Variants in RHEB observed in about 807,000 individuals in gnomAD.
The protein encoded by RHEB is Ras homolog, mTORC1 binding, also known as GTP-binding protein Rheb.
Under a neutral mutation model 28.8 loss-of-function variants are expected in RHEB, and 2 were observed. The observed-to-expected ratio is 0.07, with a 90% CI of 0.03 to 0.22. RHEB has a LOEUF of 0.22. RHEB is among the 10% of genes least tolerant of loss of function. RHEB has a pLI of 1.00. For missense variants in RHEB, 76 were observed against 219.9 expected, an observed-to-expected ratio of 0.35 and a Z score of 4.14; for synonymous variants, 69 against 77.3, an observed-to-expected ratio of 0.89 and a Z score of 0.56.
chr7:151,474,874 A>C (rs891555391), intron 4 of RHEB, among the ~76,000 whole-genome samples: 2 of 152,234 alleles, frequency 1.3e-5, no homozygotes, highest in Admixed American at 6.5e-5. Flanking sequence ...TTTTACTGAC[A>C]TATTTCTTGT....
chr7:151,505,260 T>C (rs1163467170), intron 1 of RHEB, among the ~76,000 whole-genome samples: 2 of 151,766 alleles, frequency 1.3e-5, no homozygotes, highest in Non-Finnish European at 2.9e-5. Context: ...AAAGTCACAC[T>C]AGGAGAAAAT....
intron 3 of RHEB, among the ~76,000 whole-genome samples, chr7:151,479,391 A>G (rs1802330477): frequency 6.6e-6 from 1 of 152,174 alleles, no homozygotes; most frequent in South Asian, 2.1e-4. Flanking sequence ...AGTTAAAAAA[A>G]GATTAATAAG....
At chr7:151,480,412 C>T (rs551731163) in intron 3 of RHEB, among the ~76,000 whole-genome samples, 38 of 151,784 alleles carry the variant, frequency 2.5e-4, no homozygotes, top group Admixed American at 1.8e-3. Context: ...CAAAACAAAA[C>T]CCAAGCTTAA....
intron 2 of RHEB, among the ~76,000 whole-genome samples, chr7:151,488,443 T>C (rs536505397): frequency 2.7e-4 from 41 of 152,356 alleles, no homozygotes; most frequent in Admixed American, 1.9e-3. Flanking sequence ...AGCAGTTTTT[T>C]AAAATCATGA....
intron 2 of RHEB, among the ~76,000 whole-genome samples, chr7:151,486,281 T>C (rs76222762): frequency 1.3e-5 from 2 of 152,240 alleles, no homozygotes; most frequent in East Asian, 3.8e-4. Flanking sequence ...AGTATAATTA[T>C]GATGACAAGG....
At chr7:151,515,076 A>AAG (rs917101619) in intron 1 of RHEB, among the ~76,000 whole-genome samples, 2 of 151,650 alleles carry the variant, frequency 1.3e-5, no homozygotes, top group Non-Finnish European at 2.9e-5. Context: ...GCCAAAAAAA[A>AAG]AAAGAAAGAA....
At chr7:151,477,940 G>A (rs1217210096) in intron 3 of RHEB, among the ~76,000 whole-genome samples, 1 of 151,896 alleles carries the variant, frequency 6.6e-6, no homozygotes. Context: ...GGGAGGTGGG[G>A]GAGAGAGAGA....
At chr7:151,469,038 T>G (rs942249964) in intron 7 of RHEB, among the ~76,000 whole-genome samples, 2 of 152,256 alleles carry the variant, frequency 1.3e-5, no homozygotes, top group African/African-American at 4.8e-5. Flanking sequence ...TTAATTCAAT[T>G]TTTAAAATAT....
chr7:151,497,393 G>T (rs1224175788), intron 1 of RHEB, among the ~76,000 whole-genome samples: 1 of 152,174 alleles, frequency 6.6e-6, no homozygotes, highest in Non-Finnish European at 1.5e-5. Flanking sequence ...CCCCCTAGGT[G>T]ATTCAGCTGC....
intron 1 of RHEB, among the ~76,000 whole-genome samples, chr7:151,504,237 G>A (rs900672164): frequency 2.6e-5 from 4 of 152,092 alleles, no homozygotes; most frequent in African/African-American, 4.8e-5. Flanking sequence ...TAACCTACTC[G>A]AAACCAGTTT....
intron 2 of RHEB, among the ~76,000 whole-genome samples, chr7:151,487,440 C>G (rs1228930269): frequency 6.6e-6 from 1 of 151,930 alleles, no homozygotes; most frequent in Non-Finnish European, 1.5e-5. Flanking sequence ...AAGGCCTGAA[C>G]CAGGGCACCC....
chr7:151,479,189 T>C (rs1482739369), intron 3 of RHEB, among the ~76,000 whole-genome samples: 4 of 152,076 alleles, frequency 2.6e-5, no homozygotes, highest in East Asian at 3.8e-4. Flanking sequence ...CATGATAATA[T>C]TGGCATTTCA....
At chr7:151,510,055 G>C (rs545629793) in intron 1 of RHEB, among the ~76,000 whole-genome samples, 178 of 152,150 alleles carry the variant, frequency 1.2e-3, no homozygotes, top group African/African-American at 4.2e-3. Context: ...CTAGGAAAAA[G>C]TCTAAAACTT....
intron 1 of RHEB, among the ~76,000 whole-genome samples, chr7:151,493,985 G>A (rs1319081282): frequency 6.6e-6 from 1 of 152,054 alleles, no homozygotes; most frequent in Non-Finnish European, 1.5e-5. Context: ...ACTTCTTAAG[G>A]GCTTTTGCAA....
chr7:151,511,519 C>G (rs370482206), intron 1 of RHEB, among the ~76,000 whole-genome samples: 1 of 152,014 alleles, frequency 6.6e-6, no homozygotes, highest in Admixed American at 6.6e-5. Context: ...CTAGCACTTC[C>G]TGTTCTAAAC....
At chr7:151,511,040 T>C (rs973097867) in intron 1 of RHEB, among the ~76,000 whole-genome samples, 3 of 151,784 alleles carry the variant, frequency 2.0e-5, no homozygotes, top group Non-Finnish European at 2.9e-5. Flanking sequence ...ATCGCGACAT[T>C]GCACTGCAGC....
At chr7:151,502,714 A>G in intron 1 of RHEB, 4 of 1,605,042 alleles carry the variant, frequency 2.5e-6, no homozygotes, top group Non-Finnish European at 3.4e-6. Flanking sequence ...GGATCTCCCA[A>G]AGAAACACAG....
At chr7:151,511,934 A>C (rs1353854323) in intron 1 of RHEB, among the ~76,000 whole-genome samples, 4 of 152,230 alleles carry the variant, frequency 2.6e-5, no homozygotes, top group East Asian at 1.9e-4. Flanking sequence ...TATAGGCGAG[A>C]GCCACTGCGC....
intron 1 of RHEB, among the ~76,000 whole-genome samples, chr7:151,517,690 CAA>C (rs554116118): frequency 0.025 from 1,931 of 76,692 alleles, 31 homozygotes; most frequent in African/African-American, 0.074. Context: ...CTTCTGTAGC[CAA>C]AAAAAAAAAA....
Sources: allele counts gnomAD v4.1 joint callset (sites outside exome capture counted in the v4.1 genomes callset), GRCh38; gene constraint gnomAD v4.1.1; transcripts MANE v1.5; gene names NCBI Gene and HGNC (gene_info 2026-07-23, HGNC 2026-07-21).